The following TTC28 variants were observed in gnomAD, a reference collection of about 807,000 sequenced individuals.
TTC28 encodes tetratricopeptide repeat domain 28, also known as tetratricopeptide repeat protein 28.
Under a neutral mutation model 198.0 loss-of-function variants are expected in TTC28, and 61 were observed. The ratio of observed to expected loss-of-function variants is 0.31; its 90% CI spans 0.25 to 0.38. The LOEUF is 0.38. Ranked by LOEUF, TTC28 falls within the 10% of genes least tolerant of loss-of-function variation. The probability of loss-of-function intolerance (pLI) is 1.00; values close to 1 mark genes in which losing one functional copy is unlikely to be tolerated. For synonymous variants in TTC28, 1,171 were observed against 1,297.8 expected (o/e 0.90, Z 2.10); for missense variants, 2,678 against 3,164.0 (o/e 0.85, Z 3.69).
chr22:28,634,593 T>C (rs1206362134), intron 1 of TTC28, among the ~76,000 whole-genome samples: 2 of 145,352 alleles, frequency 1.4e-5, no homozygotes, highest in Non-Finnish European at 3.0e-5. Context: ...CTTTTTTTTC[T>C]TTTTTTTTTT....
At chr22:28,651,874 T>C (rs1292839570) in intron 1 of TTC28, among the ~76,000 whole-genome samples, 4 of 152,070 alleles carry the variant, frequency 2.6e-5, no homozygotes, top group African/African-American at 9.7e-5. Flanking sequence ...AGTTTCACTC[T>C]TGTTGCCCAG....
At chr22:28,616,489 T>C (rs1447011855) in intron 2 of TTC28, among the ~76,000 whole-genome samples, 1 of 152,186 alleles carries the variant, frequency 6.6e-6, no homozygotes, top group East Asian at 1.9e-4. Context: ...TGTGACACTG[T>C]CATCAGATAT....
intron 2 of TTC28, among the ~76,000 whole-genome samples, chr22:28,312,697 G>A (rs2045284750): frequency 1.3e-5 from 2 of 152,156 alleles, no homozygotes; most frequent in Non-Finnish European, 1.5e-5. Context: ...GAATCTCTAG[G>A]AAACATTTAA....
At chr22:28,656,776 G>T (rs546476461) in intron 1 of TTC28, among the ~76,000 whole-genome samples, 1 of 151,930 alleles carries the variant, frequency 6.6e-6, no homozygotes, top group African/African-American at 2.4e-5. Context: ...CGTGGAGAGA[G>T]GGGGGAAGGA....
Position 28,032,267 on chromosome 22 carries a change from A to AGTGTGT in TTC28, c.3933-1907_3933-1902dup, listed in dbSNP as rs370005298. On this transcript the variant is annotated intron_variant, in intron 12 of 22. Transcript: ENST00000397906. ...ATATATAAAATATATATATATATATAGTGTGTGTGTGTGTGTGTGTGTGTG... is the reference window on the plus strand; with the variant it reads ...ATATATAAAATATATATATATATATAGTGTGTGTGTGTGTGTGTGTGTGTGTGTGTG... Among the ~76,000 whole-genome samples, 406 of 78,636 alleles carry AGTGTGT rather than the reference A, an allele frequency of 5.2e-3. 17 individuals carry two copies. The highest frequency in any genetic ancestry group is 0.024 in the African/African-American group (380 of 15,758). 51.6% of individuals were successfully genotyped at this position (78,636 alleles called of 152,430 possible). A position where few individuals can be genotyped will look rare whatever the true frequency, so the allele number is the denominator to read the frequency against.
At chr22:28,355,363 C>A (rs982351394) in intron 2 of TTC28, among the ~76,000 whole-genome samples, 1 of 152,126 alleles carries the variant, frequency 6.6e-6, no homozygotes, top group Non-Finnish European at 1.5e-5. Context: ...GCATATTTTA[C>A]AAGTTTAAAT....
intron 2 of TTC28, among the ~76,000 whole-genome samples, chr22:28,454,328 T>C (rs144255951): frequency 4.1e-4 from 62 of 152,374 alleles, no homozygotes; most frequent in East Asian, 1.7e-3. Context: ...TATTAGGTAC[T>C]CATTAAATAT....
chr22:28,444,926 T>C (rs1357552779), intron 2 of TTC28, among the ~76,000 whole-genome samples: 1 of 152,238 alleles, frequency 6.6e-6, no homozygotes. Flanking sequence ...ATACTCTGTA[T>C]ATATTTGACA....
intron 2 of TTC28, among the ~76,000 whole-genome samples, chr22:28,463,870 C>G (rs923381414): frequency 2.6e-5 from 4 of 151,954 alleles, no homozygotes; most frequent in African/African-American, 9.7e-5. Context: ...TGTAACAAAC[C>G]TGCACGTTGT....
chr22:28,258,902 A>AGTGTGTGT (rs34572491), intron 5 of TTC28, among the ~76,000 whole-genome samples: 82 of 147,824 alleles, frequency 5.5e-4, no homozygotes, highest in African/African-American at 1.1e-3. Context: ...TTGGTTAAAG[A>AGTGTGTGT]GTGTGTGTGT....
At chr22:28,145,907 C>T (rs1379532624) in intron 6 of TTC28, among the ~76,000 whole-genome samples, 1 of 152,146 alleles carries the variant, frequency 6.6e-6, no homozygotes, top group Non-Finnish European at 1.5e-5. Flanking sequence ...GAGATGGGTG[C>T]TATAATTGTC....
intron 6 of TTC28, among the ~76,000 whole-genome samples, chr22:28,139,434 CTTA>C (rs1569158768): frequency 6.6e-6 from 1 of 152,042 alleles, no homozygotes. Context: ...AATCATTGTT[CTTA>C]TTATTTTGAT....
Position 28,160,620 on chromosome 22 carries a change from G to GTA in TTC28, c.1441+2470_1441+2471dup, listed in dbSNP as rs528380459. Among the ~76,000 whole-genome samples the GTA allele has an allele frequency of 5.7e-3, 864 of 152,188 alleles. 10 individuals are homozygous for GTA. The highest frequency in any genetic ancestry group is 0.019 in the African/African-American group (806 of 41,504). On this transcript the variant is annotated intron_variant, in intron 6 of 22. Transcript: ENST00000397906. ...AAGGGAACACAATTTATACACACAT[G>GTA]TATATATATACATATATGATTACAC...
At chr22:28,170,577 G>A (rs957205735) in intron 5 of TTC28, among the ~76,000 whole-genome samples, 3 of 152,068 alleles carry the variant, frequency 2.0e-5, no homozygotes, top group African/African-American at 7.2e-5. Context: ...TCCATGCTTG[G>A]CTTTTTGCAC....
chr22:28,136,144 T>C (rs547814857), intron 6 of TTC28, among the ~76,000 whole-genome samples: 5 of 152,202 alleles, frequency 3.3e-5, no homozygotes, highest in Non-Finnish European at 7.3e-5. Context: ...AGTTTCAAAA[T>C]GCTTACGTTT....
chr22:28,295,892 T>C (rs926055169), intron 5 of TTC28, among the ~76,000 whole-genome samples: 4 of 152,184 alleles, frequency 2.6e-5, no homozygotes, highest in Non-Finnish European at 5.9e-5. Context: ...CATAATGACA[T>C]AGCTTTTTTC....
chr22:28,434,112 T>A (rs1448400839), intron 2 of TTC28, among the ~76,000 whole-genome samples: 1 of 152,100 alleles, frequency 6.6e-6, no homozygotes, highest in Non-Finnish European at 1.5e-5. Context: ...GACAACAGTA[T>A]TACCTTCAGC....
chr22:28,633,721 T>A (rs1164545921), intron 1 of TTC28, among the ~76,000 whole-genome samples: 2 of 152,156 alleles, frequency 1.3e-5, no homozygotes, highest in Non-Finnish European at 2.9e-5. Context: ...TTCTATTACC[T>A]CCATGTACAG....
At chr22:28,640,308 G>GC (rs1209908523) in intron 1 of TTC28, among the ~76,000 whole-genome samples, 1 of 106,646 alleles carries the variant, frequency 9.4e-6, no homozygotes, top group Non-Finnish European at 1.9e-5. Flanking sequence ...GAGAAAAAAA[G>GC]TAAAGGGGGG....
Sources: gnomAD v4.1 joint callset for allele counts (sites outside exome capture counted in the v4.1 genomes callset) on GRCh38, gnomAD v4.1.1 for gene constraint, MANE v1.5 for transcripts, NCBI Gene and HGNC (gene_info 2026-07-23, HGNC 2026-07-21) for gene names.